Variants in LARGE1 observed in about 807,000 individuals in gnomAD.
LARGE1 encodes the protein xylosyl- and glucuronyltransferase LARGE1.
A neutral mutation model predicts 87.6 loss-of-function variants in LARGE1; 43 were observed. The ratio of observed to expected loss-of-function variants is 0.49; its 90% CI spans 0.38 to 0.63. The LOEUF is 0.63. LARGE1 is among the 30% of genes least tolerant of loss of function. The pLI is 0.00. For synonymous variants in LARGE1, 434 were observed against 394.6 expected, an observed-to-expected ratio of 1.10 and a Z score of -1.18; for missense variants, 802 against 1,000.2, an observed-to-expected ratio of 0.80 and a Z score of 2.67.
the LARGE1 span, among the ~76,000 whole-genome samples, chr22:33,074,731 C>G: frequency 6.6e-6 from 1 of 152,002 alleles, no homozygotes; most frequent in African/African-American, 2.4e-5. Flanking sequence ...AATCATAGTT[C>G]CATAATAAGC....
intron 11 of LARGE1, among the ~76,000 whole-genome samples, chr22:33,174,525 C>T (rs1019936181): frequency 6.6e-6 from 1 of 152,142 alleles, no homozygotes; most frequent in Admixed American, 6.6e-5. Context: ...CATGAAAAAC[C>T]CTTCAAAAAA....
intron 1 of LARGE1, among the ~76,000 whole-genome samples, chr22:33,907,254 G>A (rs1336396245): frequency 6.6e-6 from 1 of 152,144 alleles, no homozygotes; most frequent in African/African-American, 2.4e-5. Context: ...GCTTACAAGG[G>A]CAGTGCCATA....
At chr22:33,128,911 C>G in the LARGE1 span, among the ~76,000 whole-genome samples, 1 of 151,964 alleles carries the variant, frequency 6.6e-6, no homozygotes, top group Non-Finnish European at 1.5e-5. Context: ...CACATGGATA[C>G]AGAGAGGGGA....
chr22:33,394,702 CGTGTGTGT>C (rs59338001), intron 7 of LARGE1, among the ~76,000 whole-genome samples: 16,091 of 142,366 alleles, frequency 0.11, 933 homozygotes, highest in South Asian at 0.25. Context: ...CTCCTGGGAG[CGTGTGTGT>C]GTGTGTGTGT....
chr22:33,141,038 C>T, the LARGE1 span, among the ~76,000 whole-genome samples: 5 of 152,108 alleles, frequency 3.3e-5, no homozygotes, highest in Non-Finnish European at 7.4e-5. Flanking sequence ...GTGAAGGAGT[C>T]ATTAAAGCTC....
At chr22:33,172,639 A>G (rs1188973560) in intron 11 of LARGE1, among the ~76,000 whole-genome samples, 1 of 152,116 alleles carries the variant, frequency 6.6e-6, no homozygotes, top group East Asian at 1.9e-4. Flanking sequence ...AGTATATTTC[A>G]CCTCCTAAGA....
intron 6 of LARGE1, among the ~76,000 whole-genome samples, chr22:33,453,281 G>A (rs986702186): frequency 3.9e-5 from 6 of 152,116 alleles, no homozygotes; most frequent in African/African-American, 4.8e-5. Flanking sequence ...TGGGCATGGT[G>A]GTGCACGCCT....
intron 2 of LARGE1, among the ~76,000 whole-genome samples, chr22:33,703,196 G>C (rs758523550): frequency 1.3e-5 from 2 of 152,040 alleles, no homozygotes; most frequent in Admixed American, 6.6e-5. Flanking sequence ...TATCAGAGGG[G>C]TGGAGGAAAA....
At chr22:33,326,252 TC>T (rs1937235245) in intron 10 of LARGE1, among the ~76,000 whole-genome samples, 1 of 152,172 alleles carries the variant, frequency 6.6e-6, no homozygotes, top group African/African-American at 2.4e-5. Context: ...GTCTCCTCCC[TC>T]CCAGTTATCA....
chr22:33,757,542 G>A (rs548295260), intron 2 of LARGE1, among the ~76,000 whole-genome samples: 1 of 152,216 alleles, frequency 6.6e-6, no homozygotes, highest in Non-Finnish European at 1.5e-5. Flanking sequence ...CCCCTCCAGG[G>A]CTCTCTCAAT....
chr22:33,569,497 A>C (rs1265913913), intron 5 of LARGE1, among the ~76,000 whole-genome samples: 1 of 152,250 alleles, frequency 6.6e-6, no homozygotes, highest in African/African-American at 2.4e-5. Context: ...AGGCAATGGG[A>C]TGAGTTTGTA....
At chr22:33,619,756 T>C (rs908685995) in intron 4 of LARGE1, among the ~76,000 whole-genome samples, 1 of 152,082 alleles carries the variant, frequency 6.6e-6, no homozygotes, top group African/African-American at 2.4e-5. Flanking sequence ...ATCATAATAG[T>C]GCTCACCTCC....
intron 2 of LARGE1, among the ~76,000 whole-genome samples, chr22:33,680,962 C>T (rs2081750686): frequency 6.6e-6 from 1 of 152,144 alleles, no homozygotes; most frequent in African/African-American, 2.4e-5. Flanking sequence ...AATCATCCAC[C>T]CAGTTATCAG....
At chr22:33,083,093 A>T in the LARGE1 span, among the ~76,000 whole-genome samples, 6 of 152,212 alleles carry the variant, frequency 3.9e-5, no homozygotes, top group African/African-American at 1.4e-4. Flanking sequence ...TATCATTTCT[A>T]ATATCAAAAC....
Position 33,360,612 on chromosome 22 carries a change from C to T in LARGE1, c.1131+21307G>A, listed in dbSNP as rs1031615541. Among the ~76,000 whole-genome samples, 4 of 149,514 alleles carry T rather than the reference C, an allele frequency of 2.7e-5. 1 individual carries two copies. The highest frequency in any genetic ancestry group is 6.0e-5 in the Non-Finnish European group (4 of 67,072). On this transcript the variant is annotated intron_variant, in intron 9 of 14. Transcript: ENST00000397394. ...TAAACCATTCATGAGAAACCACCCCCATGATCCAAGCACCTCCCAGCAGGC... is the reference window on the plus strand; with the variant it reads ...TAAACCATTCATGAGAAACCACCCCTATGATCCAAGCACCTCCCAGCAGGC...
chr22:33,851,250 C>T (rs1327491393), intron 1 of LARGE1, among the ~76,000 whole-genome samples: 2 of 152,188 alleles, frequency 1.3e-5, no homozygotes, highest in African/African-American at 2.4e-5. Flanking sequence ...CAGGATAAGA[C>T]CTTGGGTCTC....
intron 4 of LARGE1, among the ~76,000 whole-genome samples, chr22:33,616,851 T>C (rs1434902854): frequency 6.6e-6 from 1 of 152,188 alleles, no homozygotes; most frequent in Non-Finnish European, 1.5e-5. Flanking sequence ...GGGATTTCTT[T>C]TTAAGGTTAT....
chr22:33,101,900 C>G, the LARGE1 span, among the ~76,000 whole-genome samples: 1 of 152,184 alleles, frequency 6.6e-6, no homozygotes, highest in Non-Finnish European at 1.5e-5. Context: ...AAGCATGTCC[C>G]AAAGGATGCA....
intron 11 of LARGE1, among the ~76,000 whole-genome samples, chr22:33,249,971 G>T (rs868681362): frequency 1.3e-5 from 2 of 152,144 alleles, no homozygotes; most frequent in Admixed American, 6.6e-5. Flanking sequence ...GAGAGTGTCA[G>T]TCTTCCAACT....
Sources: allele counts gnomAD v4.1 joint callset (sites outside exome capture counted in the v4.1 genomes callset), GRCh38; gene constraint gnomAD v4.1.1; transcripts MANE v1.5; gene names NCBI Gene and HGNC (gene_info 2026-07-23, HGNC 2026-07-21).